The following TEC variants were observed in gnomAD, a reference collection of about 807,000 sequenced individuals.
TEC encodes tyrosine-protein kinase Tec.
In TEC, 72 loss-of-function variants were observed where a neutral mutation model predicts 93.0. The observed-to-expected ratio is 0.77, with a 90% CI of 0.64 to 0.94. TEC has a LOEUF of 0.94. Ranked by LOEUF, TEC falls within the 40% of genes least tolerant of loss-of-function variation. The probability of loss-of-function intolerance (pLI) is 0.00; values close to 1 mark genes in which losing one functional copy is unlikely to be tolerated. For missense variants in TEC, 630 were observed against 757.9 expected, an observed-to-expected ratio of 0.83 and a Z score of 1.98; for synonymous variants, 249 against 247.7, an observed-to-expected ratio of 1.01 and a Z score of -0.05.
chr4:48,254,201 G>A (rs990737213), intron 1 of TEC, among the ~76,000 whole-genome samples: 4 of 152,206 alleles, frequency 2.6e-5, no homozygotes, highest in African/African-American at 7.2e-5. Context: ...AGCAGAGCTG[G>A]GAGAGATGAC....
At chr4:48,199,014 C>A (rs1722398773) in intron 2 of TEC, among the ~76,000 whole-genome samples, 1 of 152,210 alleles carries the variant, frequency 6.6e-6, no homozygotes, top group South Asian at 2.1e-4. Flanking sequence ...TTCTAATATT[C>A]TATCGGCCAG....
intron 11 of TEC, among the ~76,000 whole-genome samples, chr4:48,148,209 C>T (rs1035907075): frequency 2.0e-5 from 3 of 152,004 alleles, no homozygotes; most frequent in African/African-American, 7.3e-5. Flanking sequence ...CTAAAAACCA[C>T]TGAATTGTAT....
At chr4:48,255,528 T>C (rs1407275060) in intron 1 of TEC, among the ~76,000 whole-genome samples, 1 of 152,120 alleles carries the variant, frequency 6.6e-6, no homozygotes. Context: ...AGACAAATAA[T>C]CAGTCCACTA....
intron 1 of TEC, among the ~76,000 whole-genome samples, chr4:48,253,346 T>G (rs1318394054): frequency 5.3e-5 from 8 of 151,986 alleles, no homozygotes; most frequent in Non-Finnish European, 1.2e-4. Flanking sequence ...TTCCACCTCT[T>G]CTTCTATTAT....
At chr4:48,211,932 T>C (rs1375516152) in intron 2 of TEC, among the ~76,000 whole-genome samples, 1 of 151,630 alleles carries the variant, frequency 6.6e-6, no homozygotes, top group Non-Finnish European at 1.5e-5. Context: ...ACCCCATCTC[T>C]ACTAAAAATA....
At chr4:48,230,906 C>T (rs1242141421) in intron 1 of TEC, among the ~76,000 whole-genome samples, 1 of 152,198 alleles carries the variant, frequency 6.6e-6, no homozygotes, top group Non-Finnish European at 1.5e-5. Context: ...AATTAAAAGC[C>T]TTCCAACTCC....
intron 2 of TEC, among the ~76,000 whole-genome samples, chr4:48,206,128 A>G (rs1722706038): frequency 1.3e-5 from 2 of 148,692 alleles, no homozygotes; most frequent in African/African-American, 2.5e-5. Context: ...GAATAGTCAA[A>G]TCCATATAGA....
intron 2 of TEC, among the ~76,000 whole-genome samples, chr4:48,187,662 C>A (rs1458186366): frequency 1.3e-5 from 2 of 152,176 alleles, no homozygotes; most frequent in African/African-American, 4.8e-5. Context: ...GGCCCCAGAG[C>A]TAAAACCTAT....
chr4:48,262,810 C>A (rs1186729287), intron 1 of TEC, among the ~76,000 whole-genome samples: 1 of 152,220 alleles, frequency 6.6e-6, no homozygotes, highest in Non-Finnish European at 1.5e-5. Flanking sequence ...CATCTGTCAT[C>A]CTCCAAAGAT....
intron 1 of TEC, among the ~76,000 whole-genome samples, chr4:48,231,523 G>A (rs1488116990): frequency 1.3e-4 from 20 of 152,002 alleles, no homozygotes; most frequent in African/African-American, 4.6e-4. Flanking sequence ...TTGGGAGGCC[G>A]ACGCAGGCGG....
At chr4:48,171,542 A>ATT (rs1721112994) in intron 3 of TEC, 93 bp from the exon 4 acceptor site, 1 of 832,874 alleles carries the variant, frequency 1.2e-6, no homozygotes, top group African/African-American at 1.7e-5. Context: ...ACACCAATAA[A>ATT]TGATTCTCAA....
chr4:48,161,348 T>C (rs1398387458), intron 8 of TEC, among the ~76,000 whole-genome samples: 1 of 152,166 alleles, frequency 6.6e-6, no homozygotes, highest in African/African-American at 2.4e-5. Context: ...ACCTTCTCCC[T>C]TTACCATCTT....
intron 2 of TEC, among the ~76,000 whole-genome samples, chr4:48,187,292 G>GCGGAAGGC (rs1400507133): frequency 6.6e-6 from 1 of 152,112 alleles, no homozygotes; most frequent in Non-Finnish European, 1.5e-5. Context: ...CACAAACATT[G>GCGGAAGGC]CGGAAGGCCG....
In TEC at chr4:48,163,697, C is replaced by G; in HGVS notation, c.737+5G>C. 2 of 1,445,010 alleles carry G rather than the reference C, an allele frequency of 1.4e-6. No homozygotes were observed. Among genetic ancestry groups the G allele is most frequent in the Non-Finnish European group, 1.9e-6 (2 of 1,065,828 alleles). The allele number at this position is 1,445,010 out of a possible 1,614,324, so 89.5% of individuals were successfully genotyped here. A position where few individuals can be genotyped will look rare whatever the true frequency, so the allele number is the denominator to read the frequency against. On this transcript the variant is annotated splice_donor_5th_base_variant and intron_variant, in intron 8 of 17. Coordinates refer to ENST00000381501, the MANE Select transcript of TEC (RefSeq NM_003215.3). ...TCCACATTCACAAAATAAACATTTACTTACTCATATTGATCTAAGTTGTTT... is the reference window on the plus strand; with the variant it reads ...TCCACATTCACAAAATAAACATTTAGTTACTCATATTGATCTAAGTTGTTT...
intron 1 of TEC, among the ~76,000 whole-genome samples, chr4:48,262,201 C>CTTTTCTTTTTTTTTTTTT (rs1724513370): frequency 2.5e-5 from 2 of 80,208 alleles, no homozygotes; most frequent in Non-Finnish European, 2.4e-5. Context: ...CCAAATGTCT[C>CTTTTCTTTTTTTTTTTTT]TTTTTTTTTT....
At chr4:48,193,048 A>G (rs946717275) in intron 2 of TEC, among the ~76,000 whole-genome samples, 2 of 152,206 alleles carry the variant, frequency 1.3e-5, no homozygotes, top group Admixed American at 6.5e-5. Flanking sequence ...ATGAATGAAT[A>G]AATAAATAGG....
chr4:48,254,669 A>T (rs1037015036), intron 1 of TEC, among the ~76,000 whole-genome samples: 1 of 152,268 alleles, frequency 6.6e-6, no homozygotes, highest in African/African-American at 2.4e-5. Context: ...TTAGCATTCA[A>T]TAGTCTTTGA....
At chr4:48,243,496 T>C (rs1019020507) in intron 1 of TEC, among the ~76,000 whole-genome samples, 20 of 152,298 alleles carry the variant, frequency 1.3e-4, no homozygotes, top group African/African-American at 4.6e-4. Flanking sequence ...AATTGGTCAG[T>C]TGGTCATTGC....
intron 2 of TEC, among the ~76,000 whole-genome samples, chr4:48,182,535 CTGTGTGTG>C (rs60434609): frequency 7.3e-4 from 108 of 147,336 alleles, no homozygotes; most frequent in Middle Eastern, 3.4e-3. Flanking sequence ...GGGCAATACT[CTGTGTGTG>C]TGTGTGTGTG....
Sources: gnomAD v4.1 joint callset for allele counts (sites outside exome capture counted in the v4.1 genomes callset) on GRCh38, gnomAD v4.1.1 for gene constraint, MANE v1.5 for transcripts, NCBI Gene and HGNC (gene_info 2026-07-23, HGNC 2026-07-21) for gene names.